The following ITGA11 variants were observed in gnomAD, a reference collection of about 807,000 sequenced individuals.
ITGA11 encodes integrin alpha-11.
Under a neutral mutation model 141.9 loss-of-function variants are expected in ITGA11, and 97 were observed. That is an observed-to-expected ratio of 0.68 (90% CI 0.58 to 0.81). The LOEUF (loss-of-function observed/expected upper bound fraction) is 0.81. Ranked by LOEUF, ITGA11 falls within the 30% of genes least tolerant of loss-of-function variation. The pLI is 0.00. For missense variants in ITGA11, 1,387 were observed against 1,559.2 expected, an observed-to-expected ratio of 0.89 and a Z score of 1.86; for synonymous variants, 658 against 624.6, an observed-to-expected ratio of 1.05 and a Z score of -0.80.
chr15:68,360,510 T>C (rs1567143997), intron 5 of ITGA11, among the ~76,000 whole-genome samples: 1 of 152,100 alleles, frequency 6.6e-6, no homozygotes, highest in Non-Finnish European at 1.5e-5. Context: ...CACACACACT[T>C]GCACATACTC....
chr15:68,395,197 T>C (rs762330782), intron 2 of ITGA11, among the ~76,000 whole-genome samples: 1 of 152,048 alleles, frequency 6.6e-6, no homozygotes, highest in Non-Finnish European at 1.5e-5. Context: ...AGACCAAAGG[T>C]AGATAAAACC....
In ITGA11 at chr15:68,317,274, G is replaced by A. The variant is rs1595855117; in HGVS notation, c.2706C>T (p.Ala902=). 1 of 1,594,668 alleles carries A rather than the reference G, an allele frequency of 6.3e-7. No homozygotes were observed. Among genetic ancestry groups the A allele is most frequent in the East Asian group, 2.2e-5 (1 of 44,604 alleles). ...VCNVSYPFFR[A]KAKVAFRLDF... ...TGTCCCCAGTCTCAACCTTGGCCTTGGCCCGGAAGAAGGGATAGCTGACGT... is the reference window on the plus strand; with the variant it reads ...TGTCCCCAGTCTCAACCTTGGCCTTAGCCCGGAAGAAGGGATAGCTGACGT... The change falls in exon 21 of 30, where the codon GCC becomes GCT. Residue 902 remains alanine (A), a synonymous_variant. Coordinates refer to ENST00000315757, the MANE Select transcript of ITGA11 (RefSeq NM_001004439.2).
In ITGA11 at chr15:68,302,158, C is replaced by T. The variant is rs1329493311; in HGVS notation, c.*901G>A. On this transcript the variant is annotated 3_prime_UTR_variant, in exon 30 of 30. Transcript: ENST00000315757. ...GGGAGGGGAGGCTCCCTACCCCTACCCCTGCTGCCCAGCTGCAGCCAGGCC... is the reference window on the plus strand; with the variant it reads ...GGGAGGGGAGGCTCCCTACCCCTACTCCTGCTGCCCAGCTGCAGCCAGGCC... 1.3e-5 allele frequency: 2 copies of T among 152,430 alleles called. No homozygotes were observed. Among genetic ancestry groups the T allele is most frequent in the South Asian group, 4.1e-4 (2 of 4,822 alleles). The allele number at this position is 152,430 out of a possible 1,614,324, so 9.4% of individuals were successfully genotyped here. A position where few individuals can be genotyped will look rare whatever the true frequency, so the allele number is the denominator to read the frequency against.
At chr15:68,385,930 C>T (rs1257769775) in intron 2 of ITGA11, among the ~76,000 whole-genome samples, 1 of 152,144 alleles carries the variant, frequency 6.6e-6, no homozygotes, top group Non-Finnish European at 1.5e-5. Context: ...GCCCTAAAGG[C>T]CAACCCCACC....
In ITGA11 at chr15:68,308,615, C is replaced by T. The variant is rs564600460; in HGVS notation, c.3175-919G>A. Among the ~76,000 whole-genome samples, 3 of 152,136 alleles carry T rather than the reference C, an allele frequency of 2.0e-5. No homozygotes were observed. The highest frequency in any genetic ancestry group is 3.9e-4 in the East Asian group (2 of 5,172). On this transcript the variant is annotated intron_variant, in intron 26 of 29. Transcript: ENST00000315757. The surrounding 1 kb of genome is among the most constrained non-coding windows in gnomAD (Gnocchi z 5.2). ...AAAATTAGCCAGCCGTGGTGGCACG[C>T]GCCTGTAGTCCCAACTACTTGGGAG...
chr15:68,397,540 AT>A (rs1896335022), intron 2 of ITGA11, among the ~76,000 whole-genome samples: 1 of 45,358 alleles, frequency 2.2e-5, no homozygotes, highest in Non-Finnish European at 3.3e-5. Flanking sequence ...AATATTTAAA[AT>A]ATTATATTTA....
chr15:68,339,927 G>A (rs1894507522), intron 10 of ITGA11, among the ~76,000 whole-genome samples: 1 of 152,128 alleles, frequency 6.6e-6, no homozygotes, highest in African/African-American at 2.4e-5. Context: ...TCTAAATCCA[G>A]GGCCAAACCT....
At position 68,300,199 on chromosome 15, in the gene ITGA11, G is replaced by T. The variant is rs1892996434; in HGVS notation, c.*2860C>A. On this transcript the variant is annotated 3_prime_UTR_variant, in exon 30 of 30. Transcript: ENST00000315757. ...CCATGAAGTCTGAGGAGGAACTTAG[G>T]AGTCTGTGGTCTGACTGAGGCAGTC... 6.6e-6 allele frequency: 1 copy of T among 152,248 alleles called. No homozygotes were observed. The highest frequency in any genetic ancestry group is 1.5e-5 in the Non-Finnish European group (1 of 68,048). 9.4% of individuals were successfully genotyped at this position (152,248 alleles called of 1,614,324 possible).
At chr15:68,388,107 T>C (rs973525876) in intron 2 of ITGA11, among the ~76,000 whole-genome samples, 1 of 152,194 alleles carries the variant, frequency 6.6e-6, no homozygotes, top group Non-Finnish European at 1.5e-5. Context: ...TGCACCCTGT[T>C]GCTGGATTTT....
chr15:68,393,238 A>G (rs1896159219), intron 2 of ITGA11, among the ~76,000 whole-genome samples: 4 of 152,204 alleles, frequency 2.6e-5, no homozygotes, highest in Admixed American at 2.6e-4. Context: ...TATGAGAAAT[A>G]TGGCGAGAAG....
Position 68,304,700 on chromosome 15 carries a change from C to T in ITGA11, c.3382-815G>A, listed in dbSNP as rs140391366. On this transcript the variant is annotated intron_variant, in intron 28 of 29. Transcript: ENST00000315757. This position sits in a 1 kb window ranked among gnomAD's most constrained non-coding sequence, Gnocchi z 6.1. ...CAGGCCCCTAACCAAGCTCTTAACA[C>T]CCCAGCCCCCGAAGCCTGCTCTTTC... Among the ~76,000 whole-genome samples the T allele has an allele frequency of 4.6e-5, 7 of 152,184 alleles. No individual in the cohort carries two copies. Among genetic ancestry groups the T allele is most frequent in the African/African-American group, 1.7e-4 (7 of 41,438 alleles).
intron 2 of ITGA11, among the ~76,000 whole-genome samples, chr15:68,377,038 C>A (rs1398477010): frequency 2.0e-5 from 3 of 152,210 alleles, no homozygotes; most frequent in African/African-American, 7.2e-5. Flanking sequence ...TTCACTGTAT[C>A]TGGGGATCAT....
At position 68,321,506 on chromosome 15, in the gene ITGA11, G is replaced by A; in HGVS notation, c.2323-3C>T. On this transcript the variant is annotated splice_polypyrimidine_tract_variant and splice_region_variant and intron_variant, in intron 18 of 29. Coordinates refer to ENST00000315757, the MANE Select transcript of ITGA11 (RefSeq NM_001004439.2). The surrounding 1 kb of genome is among the most constrained non-coding windows in gnomAD (Gnocchi z 4.9). The stretch of plus-strand genomic sequence containing the variant: ...TTGCAGCCGTTCCAGAAGGGCACCT[G>A]GGCCAGGGAGAGCCAGGTGTGGGCA... 1.3e-6 allele frequency: 2 copies of A among 1,592,852 alleles called. No homozygotes were observed. The highest frequency in any genetic ancestry group is 1.7e-5 in the Admixed American group (1 of 57,730).
rs900414683 is a variant in ITGA11, at chr15:68,321,043, G to A, written c.2408+375C>T. ...TCAGAAGGATTGGAAAGCCCAAGGT[G>A]TTCAGCCAGCGGGCCTAGAGGTCAC... On this transcript the variant is annotated intron_variant, in intron 19 of 29. Transcript: ENST00000315757. This position sits in a 1 kb window ranked among gnomAD's most constrained non-coding sequence, Gnocchi z 4.9. 3.9e-5 allele frequency among the ~76,000 whole-genome samples: 6 copies of A among 152,118 alleles called. No homozygotes were observed. The highest frequency in any genetic ancestry group is 1.9e-4 in the East Asian group (1 of 5,188).
intron 4 of ITGA11, among the ~76,000 whole-genome samples, chr15:68,363,196 G>A (rs1264043493): frequency 1.3e-5 from 2 of 152,150 alleles, no homozygotes; most frequent in African/African-American, 4.8e-5. Context: ...ATTGTTGAGA[G>A]GGGAATGGAC....
chr15:68,376,102 T>G (rs1595883546), intron 2 of ITGA11, among the ~76,000 whole-genome samples: 1 of 152,020 alleles, frequency 6.6e-6, no homozygotes. Flanking sequence ...GCATGAGGAG[T>G]GTTTATATGG....
At chr15:68,387,211 C>A (rs1325734138) in intron 2 of ITGA11, among the ~76,000 whole-genome samples, 1 of 152,054 alleles carries the variant, frequency 6.6e-6, no homozygotes, top group Admixed American at 6.6e-5. Flanking sequence ...GAGCAGATCG[C>A]CTCAAAAATA....
At chr15:68,413,288 T>A (rs889994357) in intron 1 of ITGA11, among the ~76,000 whole-genome samples, 1 of 152,138 alleles carries the variant, frequency 6.6e-6, no homozygotes, top group African/African-American at 2.4e-5. Context: ...TAGAAATGTG[T>A]CCAAGGTCAC....
chr15:68,365,759 A>C (rs1205999952), intron 3 of ITGA11, among the ~76,000 whole-genome samples: 1 of 149,800 alleles, frequency 6.7e-6, no homozygotes, highest in African/African-American at 2.5e-5. Context: ...TTTTTGAGGC[A>C]GGGTCTCACT....
Sources: allele counts gnomAD v4.1 joint callset (sites outside exome capture counted in the v4.1 genomes callset), GRCh38; gene constraint gnomAD v4.1.1; non-coding constraint Gnocchi (gnomAD v3.1); transcripts MANE v1.5; gene names NCBI Gene and HGNC (gene_info 2026-07-23, HGNC 2026-07-21).